Variants in FGGY observed in about 807,000 individuals in gnomAD.
FGGY encodes the protein FGGY carbohydrate kinase domain-containing protein.
A neutral mutation model predicts 71.3 loss-of-function variants in FGGY; 72 were observed. The observed-to-expected ratio is 1.01, with a 90% CI of 0.84 to 1.23. The LOEUF (loss-of-function observed/expected upper bound fraction) is 1.23. Ranked by LOEUF, FGGY falls within the 50% of genes most tolerant of loss-of-function variation. FGGY has a pLI of 0.00. For missense variants in FGGY, 668 were observed against 682.3 expected (o/e 0.98, Z 0.23); for synonymous variants, 251 against 250.3 (o/e 1.00, Z -0.02).
intron 11 of FGGY, among the ~76,000 whole-genome samples, chr1:59,651,311 G>A (rs1451503725): frequency 1.3e-5 from 2 of 151,522 alleles, no homozygotes; most frequent in Admixed American, 6.6e-5. Flanking sequence ...TATCCTTGTT[G>A]ACTTTCTGTC....
chr1:59,361,656 T>G (rs1295608526), intron 4 of FGGY, among the ~76,000 whole-genome samples: 4 of 152,156 alleles, frequency 2.6e-5, no homozygotes, highest in African/African-American at 9.7e-5. Context: ...GGGGACCTCA[T>G]GGGATGGAGC....
chr1:59,321,870 G>T, intron 2 of FGGY, 120 bp downstream of exon 2: 1 of 960,386 alleles, frequency 1.0e-6, no homozygotes, highest in Non-Finnish European at 1.6e-6. Context: ...GCAAGACATA[G>T]GCCTTGCCCT....
intron 6 of FGGY, among the ~76,000 whole-genome samples, chr1:59,503,390 T>G (rs551290470): frequency 5.9e-5 from 9 of 151,910 alleles, no homozygotes; most frequent in African/African-American, 2.2e-4. Context: ...CTCTGAACAC[T>G]GACCTACAAT....
At chr1:59,588,137 C>A (rs575803164) in intron 8 of FGGY, among the ~76,000 whole-genome samples, 2 of 152,154 alleles carry the variant, frequency 1.3e-5, no homozygotes, top group South Asian at 2.1e-4. Flanking sequence ...TCGAGAACTA[C>A]GTGAAGAATG....
chr1:59,537,947 C>T (rs1399360560), intron 7 of FGGY, among the ~76,000 whole-genome samples: 1 of 152,170 alleles, frequency 6.6e-6, no homozygotes, highest in Admixed American at 6.5e-5. Flanking sequence ...GCAAGGACTT[C>T]ATGTCTAAAA....
intron 4 of FGGY, among the ~76,000 whole-genome samples, chr1:59,369,061 G>A (rs148878026): frequency 6.6e-6 from 1 of 152,176 alleles, no homozygotes; most frequent in Non-Finnish European, 1.5e-5. Context: ...GACAGTGGGC[G>A]CAGGTCAGTG....
intron 10 of FGGY, among the ~76,000 whole-genome samples, chr1:59,630,347 G>T (rs980301347): frequency 1.3e-5 from 2 of 152,108 alleles, no homozygotes; most frequent in Admixed American, 1.3e-4. Context: ...GGTGGTGGTT[G>T]CTATGGGTTC....
intron 6 of FGGY, among the ~76,000 whole-genome samples, chr1:59,498,417 G>A (rs1206768538): frequency 6.6e-6 from 1 of 152,000 alleles, no homozygotes; most frequent in Non-Finnish European, 1.5e-5. Context: ...GATTACCTGG[G>A]AGCTTTTAAA....
chr1:59,541,826 C>T (rs1269647057), intron 7 of FGGY, among the ~76,000 whole-genome samples: 1 of 152,192 alleles, frequency 6.6e-6, no homozygotes, highest in Non-Finnish European at 1.5e-5. Flanking sequence ...AGCCAGACTA[C>T]CTAAGTTTAT....
chr1:59,749,133 C>T (rs1166885533), intron 14 of FGGY, among the ~76,000 whole-genome samples: 6 of 152,156 alleles, frequency 3.9e-5, no homozygotes, highest in South Asian at 2.1e-4. Context: ...TGCACCACTG[C>T]ACCTCCCTCC....
In FGGY at chr1:59,462,713, A is replaced by G. The variant is rs1433014773; in HGVS notation, c.670+5637A>G. Among the ~76,000 whole-genome samples, 4 of 152,354 alleles carry G rather than the reference A, an allele frequency of 2.6e-5. No individual in the cohort carries two copies. The East Asian group carries it at 7.7e-4, about 29-fold the overall frequency. ...CCAAAACACACATGAAAAAATGCTC[A>G]TCATCACTTGCCATCAGAGAAATGC... On this transcript the variant is annotated intron_variant, in intron 6 of 15. Coordinates refer to ENST00000303721, the MANE Select transcript of FGGY (RefSeq NM_018291.5).
intron 14 of FGGY, among the ~76,000 whole-genome samples, chr1:59,685,550 A>G (rs896129531): frequency 1.3e-5 from 2 of 152,230 alleles, no homozygotes; most frequent in South Asian, 4.1e-4. Context: ...AAACATGGGA[A>G]GATACCAGCA....
At chr1:59,680,214 C>A (rs2097482483) in intron 14 of FGGY, among the ~76,000 whole-genome samples, 1 of 151,646 alleles carries the variant, frequency 6.6e-6, no homozygotes, top group Admixed American at 6.6e-5. Context: ...AGCCTTTTGC[C>A]CTTTGCTGCT....
At chr1:59,660,067 A>G (rs916025172) in intron 11 of FGGY, 152 bp from the exon 12 acceptor site, 7 of 636,688 alleles carry the variant, frequency 1.1e-5, no homozygotes, top group African/African-American at 3.6e-5. Flanking sequence ...AAACAACTTA[A>G]TAGGCATTTC....
chr1:59,330,983 A>T (rs1233791236), intron 2 of FGGY, among the ~76,000 whole-genome samples: 1 of 150,518 alleles, frequency 6.6e-6, no homozygotes, highest in Non-Finnish European at 1.5e-5. Flanking sequence ...TTTTTTTTTT[A>T]AACTATAAAC....
chr1:59,563,539 G>C (rs2095828015), intron 8 of FGGY, among the ~76,000 whole-genome samples: 1 of 152,160 alleles, frequency 6.6e-6, no homozygotes. Context: ...GGAAATAAGA[G>C]AGGACACAAA....
intron 7 of FGGY, among the ~76,000 whole-genome samples, chr1:59,534,142 T>C (rs1002048876): frequency 3.3e-5 from 5 of 151,794 alleles, no homozygotes; most frequent in African/African-American, 9.7e-5. Context: ...TTAAAGGAGC[T>C]GATGGAGCTG....
intron 7 of FGGY, among the ~76,000 whole-genome samples, chr1:59,514,548 G>T (rs147261617): frequency 1.3e-3 from 197 of 152,316 alleles, no homozygotes; most frequent in Admixed American, 5.2e-3. Context: ...ATGCTTGTAA[G>T]TGATATGGTT....
chr1:59,736,517 A>G (rs921148659), intron 14 of FGGY, among the ~76,000 whole-genome samples: 9 of 152,212 alleles, frequency 5.9e-5, no homozygotes, highest in Non-Finnish European at 1.3e-4. Context: ...AGAAATGAGG[A>G]ACTTGTTGGG....
Sources: allele counts gnomAD v4.1 joint callset (sites outside exome capture counted in the v4.1 genomes callset), GRCh38; gene constraint gnomAD v4.1.1; transcripts MANE v1.5; gene names NCBI Gene and HGNC (gene_info 2026-07-23, HGNC 2026-07-21).